The following CYP21A2 variants were observed in gnomAD, a reference collection of about 807,000 sequenced individuals.
CYP21A2 encodes the protein cytochrome P450 family 21 subfamily A member 2.
In CYP21A2, 24 loss-of-function variants were observed where a neutral mutation model predicts 47.4. That is an observed-to-expected ratio of 0.51 (90% CI 0.37 to 0.71). CYP21A2 has a LOEUF of 0.71. CYP21A2 is among the 30% of genes least tolerant of loss of function. The pLI is 0.00. For missense variants in CYP21A2, 358 were observed against 643.2 expected (o/e 0.56, Z 4.80); for synonymous variants, 130 against 273.9 (o/e 0.47, Z 5.19).
Position 32,039,373 on chromosome 6 carries a change from C to T in CYP21A2, c.465C>T (p.Pro155=), listed in dbSNP as rs762884404. 13 of 1,610,896 alleles carry T rather than the reference C, an allele frequency of 8.1e-6. No homozygotes were observed. Among genetic ancestry groups the T allele is most frequent in the African/African-American group, 4.0e-5 (3 of 74,744 alleles). The part of the protein sequence containing the change: ...QEFCERMRAQ[P]GTPVAIEEEF... ...CTCCACAGCGCATGAGAGCCCAGCC[C>T]GGCACCCCTGTGGCCATTGAGGAGG... The change falls in exon 4 of 10, where the codon CCC becomes CCT. Residue 155 remains proline, a synonymous_variant. Coordinates refer to ENST00000644719, the MANE Select transcript of CYP21A2 (RefSeq NM_000500.9).
chr6:32,040,544 G>C lies in CYP21A2; in HGVS notation c.1078G>C (p.Val360Leu). 6.2e-7 allele frequency: 1 copy of C among 1,613,646 alleles called. No homozygotes were observed. Residue 360 changes from valine (V) to leucine (L), a missense_variant, in exon 8 of 10, where the codon GTG becomes CTG. Val to Leu is a conservative substitution (Grantham distance 32). Transcript: ENST00000644719. Reference sequence around the variant, plus strand: ...CGAGGTGCTGCGCCTGCGGCCCGTTGTGCCCTTAGCCTTGCCCCACCGCAC... The same window carrying C: ...CGAGGTGCTGCGCCTGCGGCCCGTTCTGCCCTTAGCCTTGCCCCACCGCAC... ...IAEVLRLRPV[V>L]PLALPHRTTR... is the part of the protein sequence containing the mutation.
rs770059546 is a variant in CYP21A2, at chr6:32,040,197, C to G, written c.931C>G (p.His311Asp). ...CTGGGCCGTGGTTTTTTTGCTTCAC[C>G]ACCCTGAGGTGCGTCCTGGGGACAA... ...LSWAVVFLLH[H>D]PEIQQRLQEE... Residue 311 changes from histidine (H) to aspartate (D), a missense_variant, in exon 7 of 10, where the codon CAC becomes GAC. Transcript: ENST00000644719. The G allele has an allele frequency of 6.2e-7, 1 of 1,612,878 alleles. No homozygotes were observed. Among genetic ancestry groups the G allele is most frequent in the East Asian group, 2.2e-5 (1 of 44,874 alleles).
At position 32,040,204 on chromosome 6, in the gene CYP21A2, A is replaced by G. The variant is rs1183454266; in HGVS notation, c.938A>G (p.Glu313Gly). ...GTGGTTTTTTTGCTTCACCACCCTG[A>G]GGTGCGTCCTGGGGACAAGCAAAAG... ...WAVVFLLHHP[E>G]IQQRLQEELD... The change falls in exon 7 of 10, where the codon GAG (glutamate) becomes GGG (glycine). Residue 313 changes from glutamate (E) to glycine (G), a missense_variant and splice_region_variant. Transcript: ENST00000644719. 3 of 1,612,688 alleles carry G rather than the reference A, an allele frequency of 1.9e-6. No individual in the cohort carries two copies. Among genetic ancestry groups the G allele is most frequent in the African/African-American group, 2.7e-5 (2 of 74,912 alleles).
chr6:32,038,956 T>A, intron 2 of CYP21A2, 138 bp from the exon 3 acceptor site: 3 of 1,506,528 alleles, frequency 2.0e-6, no homozygotes, highest in Non-Finnish European at 2.7e-6. Context: ...CTTTGGGGCA[T>A]CCCCAATCCA....
rs1177522392 is a variant in CYP21A2 at position 32,038,817 on chromosome 6, G to T, written c.292+6G>T. ...CAGACCTGAGCCACTTACCTGTAAG[G>T]GCCGGGGGCATTTTTTCTTTCTTAA... On this transcript the variant is annotated splice_donor_region_variant and intron_variant, in intron 2 of 9. Transcript: ENST00000644719. 2 of 1,433,720 alleles carry T rather than the reference G, an allele frequency of 1.4e-6. No individual in the cohort carries two copies. Among genetic ancestry groups the T allele is most frequent in the Non-Finnish European group, 2.0e-6 (2 of 1,023,940 alleles). The allele number at this position is 1,433,720 out of a possible 1,614,324, so 88.8% of individuals were successfully genotyped here. A position where few individuals can be genotyped will look rare whatever the true frequency, so the allele number is the denominator to read the frequency against.
intron 7 of CYP21A2, 36 bp from the exon 8 acceptor site, chr6:32,040,370 G>A (rs1170759862): frequency 6.2e-7 from 1 of 1,611,634 alleles, no homozygotes; most frequent in African/African-American, 1.3e-5. Context: ...GCAGCTGTGG[G>A]CTGCTGGGGC....
At chr6:32,039,046 A>G (rs59064806) in intron 2 of CYP21A2, 48 bp from the exon 3 acceptor site, 34,039 of 1,549,042 alleles carry the variant, frequency 0.022, 989 homozygotes, top group South Asian at 0.063. Flanking sequence ...TCAGGCCCTC[A>G]GCTGCCTTCA....
In CYP21A2 at chr6:32,041,569, C is replaced by G. The variant is rs1023937825; in HGVS notation, c.*435C>G. On this transcript the variant is annotated 3_prime_UTR_variant, in exon 10 of 10. Transcript: ENST00000644719. ...CCTCCCCGCAGAGCTCCCTTCCTGA[C>G]CCTCCGCTGCAGAGGATTGAGGCTT... The G allele has an allele frequency of 2.3e-5, 24 of 1,055,308 alleles. 1 individual carries two copies. The highest frequency in any genetic ancestry group is 4.0e-5 in the Admixed American group (2 of 50,034). The allele number at this position is 1,055,308 out of a possible 1,614,324, so 65.4% of individuals were successfully genotyped here.
rs1372975816 is a variant in CYP21A2 at position 32,039,640 on chromosome 6, T to C, written c.644T>C (p.Phe215Ser). The change falls in exon 5 of 10, where the codon TTT becomes TCT. Residue 215 changes from phenylalanine (F) to serine (S), a missense_variant. Coordinates refer to ENST00000644719, the MANE Select transcript of CYP21A2 (RefSeq NM_000500.9). ...WSIQIVDVIP[F>S]LRFFPNPGLR... ...ATCCAAATTGTGGACGTGATTCCCTTTCTCAGGGTGAGGACCTGGAGCCTA... is the reference window on the plus strand; with the variant it reads ...ATCCAAATTGTGGACGTGATTCCCTCTCTCAGGGTGAGGACCTGGAGCCTA... 5.1e-6 allele frequency: 8 copies of C among 1,562,610 alleles called. No homozygotes were observed. The East Asian group carries it at 9.5e-5, about 19-fold the overall frequency.
At position 32,041,467 on chromosome 6, in the gene CYP21A2, C is replaced by G. The variant is rs569442243; in HGVS notation, c.*333C>G. 1 of 1,050,862 alleles carries G rather than the reference C, an allele frequency of 9.5e-7. No homozygotes were observed. The highest frequency in any genetic ancestry group is 2.6e-5 in the East Asian group (1 of 38,942). 65.1% of individuals were successfully genotyped at this position (1,050,862 alleles called of 1,614,324 possible). On this transcript the variant is annotated 3_prime_UTR_variant, in exon 10 of 10. Coordinates refer to ENST00000644719, the MANE Select transcript of CYP21A2 (RefSeq NM_000500.9). ...GCTCACTCCCTGGGAAAGGGGTTGT[C>G]AAGAGAGAGTCAAAGCCGGATGTCC...
Position 32,039,262 on chromosome 6 carries a change from C to G in CYP21A2, c.447+14C>G. On this transcript the variant is annotated intron_variant, in intron 3 of 9. Transcript: ENST00000644719. ...GAGTTCTGTGAGGTAAGGCTGGGCT[C>G]CTGAGGCCACCTCGGGTCAGCCTCG... 1.3e-6 allele frequency: 2 copies of G among 1,575,066 alleles called. No individual in the cohort carries two copies. Among genetic ancestry groups the G allele is most frequent in the South Asian group, 1.1e-5 (1 of 86,964 alleles).
rs186816029 is a variant in CYP21A2 at position 32,038,990 on chromosome 6, G to T, written c.293-104G>T. The T allele has an allele frequency of 8.5e-5, 131 of 1,543,224 alleles. No individual in the cohort carries two copies. In the African/African-American group the frequency reaches 1.7e-3, roughly 20 times the overall value. On this transcript the variant is annotated intron_variant, in intron 2 of 9. Coordinates refer to ENST00000644719, the MANE Select transcript of CYP21A2 (RefSeq NM_000500.9). ...CAGGTCCCTGGAAGCTCTTGGGGGGGCATATCTGGTGGGGAGAAAGCAGGG... is the reference window on the plus strand; with the variant it reads ...CAGGTCCCTGGAAGCTCTTGGGGGGTCATATCTGGTGGGGAGAAAGCAGGG...
At chr6:32,038,891 T>C (rs1423127144) in intron 2 of CYP21A2, 80 bp downstream of exon 2, 1 of 1,368,658 alleles carries the variant, frequency 7.3e-7, no homozygotes, top group African/African-American at 1.4e-5. Flanking sequence ...CCCAGGCTGG[T>C]CTTAAATTCC....
Position 32,039,582 on chromosome 6 carries a change from C to T in CYP21A2, c.586C>T (p.Gln196Ter). The change falls in exon 5 of 10, where the codon CAG becomes TAG. Residue 196 changes from glutamine to a stop codon, truncating the protein, a stop_gained. Coordinates refer to ENST00000644719, the MANE Select transcript of CYP21A2 (RefSeq NM_000500.9). LOFTEE classifies it high-confidence loss of function. ...AATGCCTGCCTATTACAAATGTATCCAGGAGGTGTTAAAAACCTGGAGCCA... is the reference window on the plus strand; with the variant it reads ...AATGCCTGCCTATTACAAATGTATCTAGGAGGTGTTAAAAACCTGGAGCCA... Reference protein sequence around the residue: ...NLMPAYYKCIQEVLKTWSHWS... With the variant: ...NLMPAYYKCI 1 of 1,579,306 alleles carries T rather than the reference C, an allele frequency of 6.3e-7. No individual in the cohort carries two copies.
At chr6:32,038,691 C>T (rs1168581329) in intron 1 of CYP21A2, 31 bp from the exon 2 acceptor site, 2 of 1,494,692 alleles carry the variant, frequency 1.3e-6, no homozygotes, top group Non-Finnish European at 1.8e-6. Flanking sequence ...AGGGTCCTCT[C>T]TCCGCTGACG....
At position 32,040,588 on chromosome 6, in the gene CYP21A2, A is replaced by C. The variant is rs771912317; in HGVS notation, c.1118+4A>C. 9.3e-6 allele frequency: 15 copies of C among 1,612,620 alleles called. No individual in the cohort carries two copies. The highest frequency in any genetic ancestry group is 1.7e-5 in the Admixed American group (1 of 59,920). Reference sequence around the variant, plus strand: ...ACCGCACCACACGGCCCAGCAGGTGACTCCCGAGGGTTGGGGATGAGTGAG... The same window carrying C: ...ACCGCACCACACGGCCCAGCAGGTGCCTCCCGAGGGTTGGGGATGAGTGAG... On this transcript the variant is annotated splice_donor_region_variant and intron_variant, in intron 8 of 9. Transcript: ENST00000644719.
intron 4 of CYP21A2, 22 bp downstream of exon 4, chr6:32,039,479 C>T: frequency 6.3e-7 from 1 of 1,579,950 alleles, no homozygotes; most frequent in South Asian, 1.1e-5. Context: ...CCCCTCAGGC[C>T]CACCCCCAGC....
chr6:32,038,789 T>C lies in CYP21A2; in HGVS notation c.270T>C (p.Ala90=), dbSNP rs1474060127. The change falls in exon 2 of 10, where the codon GCT becomes GCC. Residue 90 remains alanine (A), a synonymous_variant. Coordinates refer to ENST00000644719, the MANE Select transcript of CYP21A2 (RefSeq NM_000500.9). ...TGGTCAAAAAGTGGGCAGACTTTGC[T>C]GGCAGACCTGAGCCACTTACCTGTA... ...EAMVKKWADF[A]GRPEPLTYKL... is the part of the protein sequence containing the mutation. 3.5e-6 allele frequency: 5 copies of C among 1,410,520 alleles called. No homozygotes were observed. The highest frequency in any genetic ancestry group is 5.0e-6 in the Non-Finnish European group (5 of 1,005,618). The allele number at this position is 1,410,520 out of a possible 1,614,324, so 87.4% of individuals were successfully genotyped here. A position where few individuals can be genotyped will look rare whatever the true frequency, so the allele number is the denominator to read the frequency against.
intron 2 of CYP21A2, 41 bp downstream of exon 2, chr6:32,038,852 T>C: frequency 6.9e-7 from 1 of 1,443,586 alleles, no homozygotes; most frequent in Non-Finnish European, 9.7e-7. Context: ...AAAAAATTTT[T>C]TTTTAAGAGA....
Sources: allele counts gnomAD v4.1 joint callset, GRCh38; gene constraint gnomAD v4.1.1; transcripts MANE v1.5; gene names NCBI Gene and HGNC (gene_info 2026-07-23, HGNC 2026-07-21).